TNC: variants seen among roughly 807,000 people sequenced by gnomAD.
The protein encoded by TNC is tenascin.
A neutral mutation model predicts 202.4 loss-of-function variants in TNC; 109 were observed. The ratio of observed to expected loss-of-function variants is 0.54; its 90% CI spans 0.46 to 0.63. The LOEUF is 0.63. Among genes scored for constraint, TNC ranks in the 30% least tolerant of loss-of-function variants. The pLI is 0.00. For missense variants in TNC, 2,756 were observed against 2,833.3 expected, an observed-to-expected ratio of 0.97 and a Z score of 0.62; for synonymous variants, 1,007 against 1,089.7, an observed-to-expected ratio of 0.92 and a Z score of 1.50.
chr9:115,029,242 A>ACCAGAAGT, intron 25 of TNC, 118 bp downstream of exon 25: 1 of 810,622 alleles, frequency 1.2e-6, no homozygotes, highest in Non-Finnish European at 2.1e-6. Flanking sequence ...TGTGTCTGCC[A>ACCAGAAGT]CCAGAAGTAG....
chr9:115,044,410 CA>C (rs1831017195), intron 17 of TNC, among the ~76,000 whole-genome samples: 1 of 151,372 alleles, frequency 6.6e-6, no homozygotes, highest in East Asian at 1.9e-4. Flanking sequence ...CACACACACA[CA>C]CACACAAGCA....
At chr9:115,076,288 T>G in intron 8 of TNC, 102 bp downstream of exon 8, 1 of 1,470,164 alleles carries the variant, frequency 6.8e-7, no homozygotes. Flanking sequence ...AAATTGGACT[T>G]ATTTCTGAGG....
At chr9:115,026,783 C>T (rs1829519978) in intron 25 of TNC, 88 bp from the exon 26 acceptor site, 3 of 1,319,852 alleles carry the variant, frequency 2.3e-6, no homozygotes, top group Non-Finnish European at 3.0e-6. Context: ...CAACTGGGTA[C>T]ACTTAAGACA....
intron 15 of TNC, among the ~76,000 whole-genome samples, chr9:115,055,133 G>A (rs1057409762): frequency 5.9e-5 from 9 of 152,190 alleles, no homozygotes; most frequent in African/African-American, 1.7e-4. Context: ...TGATTAGAAC[G>A]ACCACAGGCA....
intron 7 of TNC, among the ~76,000 whole-genome samples, 177 bp downstream of exon 7, chr9:115,077,766 T>A (rs1295611964): frequency 2.0e-5 from 3 of 152,188 alleles, no homozygotes; most frequent in African/African-American, 7.2e-5. Context: ...TATTTGGAAT[T>A]TTTTTTGAAA....
chr9:115,023,010 C>A (rs1195454291), intron 27 of TNC, among the ~76,000 whole-genome samples: 1 of 150,106 alleles, frequency 6.7e-6, no homozygotes, highest in Non-Finnish European at 1.5e-5. Context: ...TCCCCCCTGA[C>A]CCCACAACAA....
At chr9:115,087,390 T>A (rs1437094098) in intron 2 of TNC, 117 bp from the exon 3 acceptor site, 7 of 998,060 alleles carry the variant, frequency 7.0e-6, no homozygotes, top group African/African-American at 4.9e-5. Context: ...TCAGGCTCCA[T>A]CTGGCTTGAG....
At position 115,020,835 on chromosome 9, in the gene TNC, T is replaced by C. The variant is rs1201391199; in HGVS notation, c.*322A>G. On this transcript the variant is annotated 3_prime_UTR_variant, in exon 28 of 28. Coordinates refer to ENST00000350763, the MANE Select transcript of TNC (RefSeq NM_002160.4). ...GGCTGGTTCTAAAACAAACTACCCC[T>C]GTACATCCTACCCCTCTCCCATTCC... The C allele has an allele frequency of 3.1e-6, 1 of 324,068 alleles. No homozygotes were observed. Among genetic ancestry groups the C allele is most frequent in the Non-Finnish European group, 5.8e-6 (1 of 172,656 alleles). The allele number at this position is 324,068 out of a possible 1,614,324, so 20.1% of individuals were successfully genotyped here.
chr9:115,094,838 T>C (rs1835506223), intron 1 of TNC, among the ~76,000 whole-genome samples: 1 of 150,508 alleles, frequency 6.6e-6, no homozygotes, highest in African/African-American at 2.5e-5. Flanking sequence ...TGTGTGTGTG[T>C]GTGTGTGTGT....
In TNC at chr9:115,024,727, C is replaced by T. The variant is rs576864286; in HGVS notation, c.6332-591G>A. Among the ~76,000 whole-genome samples the T allele has an allele frequency of 2.0e-5, 3 of 152,294 alleles. No individual in the cohort carries two copies. The South Asian group carries it at 6.2e-4, about 32-fold the overall frequency. On this transcript the variant is annotated intron_variant, in intron 26 of 27. Coordinates refer to ENST00000350763, the MANE Select transcript of TNC (RefSeq NM_002160.4). Reference sequence around the variant, plus strand: ...AGATGTCCCTAAATAGTCTCTGTATCACATAGTTACTTTTTAAAGTATTCA... The same window carrying T: ...AGATGTCCCTAAATAGTCTCTGTATTACATAGTTACTTTTTAAAGTATTCA...
Position 115,063,184 on chromosome 9 carries a change from C to A in TNC, c.3766G>T (p.Val1256Phe). The A allele has an allele frequency of 1.9e-6, 3 of 1,613,960 alleles. No individual in the cohort carries two copies. Among genetic ancestry groups the A allele is most frequent in the Admixed American group, 3.3e-5 (2 of 60,022 alleles). ...ACTGTGAGGTTTCCCATATCTGGAA[C>A]CTCCTCTGCATAAGGACACAGAGTT... ...PLSVEVLTEE[V>F]PDMGNLTVTE... is the part of the protein sequence containing the mutation. Residue 1256 changes from valine (V) to phenylalanine (F), a missense_variant, in exon 13 of 28, where the codon GTT (valine) becomes TTT (phenylalanine). Val to Phe is a conservative substitution (Grantham distance 50, BLOSUM62 -1). Transcript: ENST00000350763.
rs139280264 is a variant in TNC at position 115,073,621 on chromosome 9, G to T, written c.3196C>A (p.Arg1066Ser). The change falls in exon 10 of 28, where the codon CGT (arginine) becomes AGT (serine). Residue 1066 changes from arginine (R) to serine (S), a missense_variant. Physicochemically the swap from Arg to Ser is moderately radical, Grantham distance 110 (BLOSUM62 -1). Transcript: ENST00000350763. ...GACTCACCAGTGGATGCCTTCACAC[G>T]TGCGGGCTTGCTCTTGTGTCTGCCT... ...EKGRHKSKPA[R>S]VKASTEQAPE... 6.2e-7 allele frequency: 1 copy of T among 1,613,994 alleles called. No individual in the cohort carries two copies. Among genetic ancestry groups the T allele is most frequent in the Non-Finnish European group, 8.5e-7 (1 of 1,179,936 alleles).
chr9:115,110,023 G>A (rs1836920384), intron 1 of TNC, among the ~76,000 whole-genome samples: 1 of 152,128 alleles, frequency 6.6e-6, no homozygotes, highest in Non-Finnish European at 1.5e-5. Flanking sequence ...GGGGCAGACA[G>A]GCCATTCCAG....
At chr9:115,065,901 C>CAAAAAAAAAAAAAAAAAA (rs35177151) in intron 10 of TNC, among the ~76,000 whole-genome samples, 2 of 46,674 alleles carry the variant, frequency 4.3e-5, no homozygotes, top group African/African-American at 8.4e-5. Context: ...GACTCCATCT[C>CAAAAAAAAAAAAAAAAAA]AAAAAAAAAA....
At chr9:115,096,718 T>C (rs1835824014) in intron 1 of TNC, among the ~76,000 whole-genome samples, 1 of 152,196 alleles carries the variant, frequency 6.6e-6, no homozygotes. Flanking sequence ...CCTTACATGT[T>C]TGAACATATC....
rs1232749970 is a variant in TNC at position 115,090,686 on chromosome 9, A to G, written c.333T>C (p.Cys111=). ...TAACATCAGGGGCTGCGGCACAGCCACAGGCCCGGCGGGGGATGTTGATGC... is the reference window on the plus strand; with the variant it reads ...TAACATCAGGGGCTGCGGCACAGCCGCAGGCCCGGCGGGGGATGTTGATGC... ...THRINIPRRA[C]GCAAAPDVKE... Residue 111 remains cysteine (C), a synonymous_variant, in exon 2 of 28, where the codon TGT becomes TGC. Transcript: ENST00000350763. The G allele has an allele frequency of 3.1e-6, 5 of 1,614,158 alleles. No individual in the cohort carries two copies. In the African/African-American group the frequency reaches 4.0e-5, roughly 13 times the overall value.
rs1832747730 is a variant in TNC at position 115,063,985 on chromosome 9, C to A, written c.3571G>T (p.Ala1191Ser). ...ACCTGAATGAAAAAGTACTCATAGGCCCCTTCTGGAGCAGTCCAGTTGAGT... is the reference window on the plus strand; with the variant it reads ...ACCTGAATGAAAAAGTACTCATAGGACCCTTCTGGAGCAGTCCAGTTGAGT... The part of the protein sequence containing the change: ...LKLNWTAPEG[A>S]YEYFFIQVQE... Residue 1191 changes from alanine (A) to serine (S), a missense_variant, in exon 12 of 28, where the codon GCC (alanine) becomes TCC (serine). Transcript: ENST00000350763. The A allele has an allele frequency of 6.2e-7, 1 of 1,613,990 alleles. No individual in the cohort carries two copies. The highest frequency in any genetic ancestry group is 2.2e-5 in the East Asian group (1 of 44,864).
At chr9:115,114,366 G>A (rs1282464973) in intron 1 of TNC, among the ~76,000 whole-genome samples, 3 of 152,176 alleles carry the variant, frequency 2.0e-5, no homozygotes, top group Non-Finnish European at 2.9e-5. Context: ...CCCCAAGGCC[G>A]ATTTCACTTT....
intron 1 of TNC, among the ~76,000 whole-genome samples, chr9:115,099,821 A>G (rs1836090388): frequency 1.3e-5 from 2 of 152,326 alleles, no homozygotes; most frequent in Middle Eastern, 6.8e-3. Flanking sequence ...TCTATAAGAC[A>G]AATCTGGGAA....
Sources: gnomAD v4.1 joint callset for allele counts (sites outside exome capture counted in the v4.1 genomes callset) on GRCh38, gnomAD v4.1.1 for gene constraint, MANE v1.5 for transcripts, NCBI Gene and HGNC (gene_info 2026-07-23, HGNC 2026-07-21) for gene names.